Variants in MEIKIN observed in about 807,000 individuals in gnomAD.
The protein encoded by MEIKIN is meiosis-specific kinetochore protein.
At chr5:131,815,540 G>A (rs181297829) in intron 12 of MEIKIN, among the ~76,000 whole-genome samples, 1 of 152,194 alleles carries the variant, frequency 6.6e-6, no homozygotes, top group Non-Finnish European at 1.5e-5. Context: ...CTCCACAGGA[G>A]ACTAATTCTA....
intron 11 of MEIKIN, among the ~76,000 whole-genome samples, chr5:131,842,339 T>C (rs555335555): frequency 6.6e-6 from 1 of 152,348 alleles, no homozygotes; most frequent in East Asian, 1.9e-4. Context: ...TCTAGTACTA[T>C]GCTGAATAGA....
intron 11 of MEIKIN, among the ~76,000 whole-genome samples, chr5:131,837,202 G>A (rs190979786): frequency 8.5e-5 from 13 of 152,226 alleles, no homozygotes; most frequent in Non-Finnish European, 1.3e-4. Context: ...TTATTTCTGA[G>A]CTCTCTATTC....
At chr5:131,854,592 T>C (rs773918794) in intron 10 of MEIKIN, among the ~76,000 whole-genome samples, 162 bp downstream of exon 10, 1 of 152,200 alleles carries the variant, frequency 6.6e-6, no homozygotes, top group Non-Finnish European at 1.5e-5. Context: ...CTTGCATGTA[T>C]AGTAGTATAC....
chr5:131,941,520 T>C (rs910228385), intron 4 of MEIKIN, among the ~76,000 whole-genome samples: 1 of 152,190 alleles, frequency 6.6e-6, no homozygotes, highest in South Asian at 2.1e-4. Context: ...ATTTCCAGGC[T>C]ACTTTTACCT....
At chr5:131,871,118 G>A (rs1330255041) in intron 9 of MEIKIN, among the ~76,000 whole-genome samples, 4 of 152,356 alleles carry the variant, frequency 2.6e-5, no homozygotes, top group South Asian at 2.1e-4. Context: ...TGAGGTACCC[G>A]GTTCATCTCA....
At chr5:131,843,484 G>T (rs1385641226) in intron 11 of MEIKIN, among the ~76,000 whole-genome samples, 1 of 152,212 alleles carries the variant, frequency 6.6e-6, no homozygotes, top group African/African-American at 2.4e-5. Flanking sequence ...GCTGTTAGAA[G>T]AAGCCAAGCC....
chr5:131,943,788 C>T (rs958634237), intron 3 of MEIKIN, among the ~76,000 whole-genome samples: 5 of 151,908 alleles, frequency 3.3e-5, no homozygotes, highest in South Asian at 2.1e-4. Context: ...CTGCCTTCCC[C>T]CAAAAACATG....
chr5:131,920,611 C>T (rs1013720136), intron 6 of MEIKIN, among the ~76,000 whole-genome samples: 2 of 152,080 alleles, frequency 1.3e-5, no homozygotes, highest in African/African-American at 2.4e-5. Flanking sequence ...AATGGGGGGA[C>T]ATCATGAACC....
intron 9 of MEIKIN, among the ~76,000 whole-genome samples, chr5:131,859,888 C>A (rs1750253259): frequency 6.6e-6 from 1 of 152,064 alleles, no homozygotes; most frequent in Non-Finnish European, 1.5e-5. Context: ...TTCCTGGGTT[C>A]TCTATTCTTT....
intron 11 of MEIKIN, among the ~76,000 whole-genome samples, chr5:131,838,188 C>G (rs1360926652): frequency 6.6e-6 from 1 of 152,092 alleles, no homozygotes; most frequent in East Asian, 1.9e-4. Flanking sequence ...AACTTTGCAT[C>G]CCAGGGATAA....
At chr5:131,893,443 C>T (rs1303739931) in intron 8 of MEIKIN, among the ~76,000 whole-genome samples, 4 of 152,216 alleles carry the variant, frequency 2.6e-5, no homozygotes, top group East Asian at 1.9e-4. Context: ...GTTGGAAAAG[C>T]GCAGTATTAG....
intron 9 of MEIKIN, among the ~76,000 whole-genome samples, chr5:131,876,562 T>C (rs1561741385): frequency 6.9e-6 from 1 of 145,706 alleles, no homozygotes; most frequent in African/African-American, 2.6e-5. Context: ...TGTAAACTAG[T>C]TCAACCATTG....
At chr5:131,823,088 T>C (rs1176340942) in intron 11 of MEIKIN, among the ~76,000 whole-genome samples, 1 of 152,112 alleles carries the variant, frequency 6.6e-6, no homozygotes, top group Non-Finnish European at 1.5e-5. Flanking sequence ...TTTTACGTTG[T>C]TTCTTTTTTT....
chr5:131,943,421 C>T (rs1476802990), intron 3 of MEIKIN, among the ~76,000 whole-genome samples: 1 of 152,170 alleles, frequency 6.6e-6, no homozygotes, highest in Non-Finnish European at 1.5e-5. Flanking sequence ...GTGAGGTACA[C>T]AAAAACCTTC....
At position 131,911,864 on chromosome 5, in the gene MEIKIN, T is replaced by C; in HGVS notation, c.654A>G (p.Ala218=). 1 of 397,832 alleles carries C rather than the reference T, an allele frequency of 2.5e-6. No individual in the cohort carries two copies. Among genetic ancestry groups the C allele is most frequent in the Non-Finnish European group, 4.4e-6 (1 of 225,192 alleles). The allele number at this position is 397,832 out of a possible 1,614,324, so 24.6% of individuals were successfully genotyped here. A position where few individuals can be genotyped will look rare whatever the true frequency, so the allele number is the denominator to read the frequency against. ...KCHRKTVMTV[A]DQNVSPKAKC... Reference sequence around the variant, plus strand: ...TTGCTTTTGGAGAAACATTTTGATCTGCTACTGTCATCACTCTATAACAAG... The same window carrying C: ...TTGCTTTTGGAGAAACATTTTGATCCGCTACTGTCATCACTCTATAACAAG... The change falls in exon 8 of 13, where the codon GCA becomes GCG. Residue 218 remains alanine, a synonymous_variant. Coordinates refer to ENST00000442687, the MANE Select transcript of MEIKIN (RefSeq NM_001303622.2).
chr5:131,909,573 T>C (rs1196583269), intron 8 of MEIKIN, among the ~76,000 whole-genome samples: 1 of 151,884 alleles, frequency 6.6e-6, no homozygotes, highest in Non-Finnish European at 1.5e-5. Context: ...TGAGATCACA[T>C]CAAGTTAAAA....
At chr5:131,818,072 G>A (rs1455860186) in intron 12 of MEIKIN, among the ~76,000 whole-genome samples, 3 of 152,106 alleles carry the variant, frequency 2.0e-5, no homozygotes, top group Non-Finnish European at 4.4e-5. Context: ...GTATGATCTT[G>A]GACAAATTCC....
chr5:131,843,496 C>T (rs2088718), intron 11 of MEIKIN, among the ~76,000 whole-genome samples: 96,448 of 152,192 alleles, frequency 0.63, 32,661 homozygotes, highest in Non-Finnish European at 0.77. Context: ...AGCCAAGCCA[C>T]GTCTTGAATG....
intron 8 of MEIKIN, among the ~76,000 whole-genome samples, chr5:131,887,582 GAC>G (rs1220738991): frequency 2.6e-4 from 39 of 152,128 alleles, no homozygotes; most frequent in African/African-American, 9.4e-4. Context: ...TTTATCTGAT[GAC>G]CAGCGATGAT....
Sources: gnomAD v4.1 joint callset for allele counts (sites outside exome capture counted in the v4.1 genomes callset) on GRCh38, gnomAD v4.1.1 for gene constraint, MANE v1.5 for transcripts, NCBI Gene and HGNC (gene_info 2026-07-23, HGNC 2026-07-21) for gene names.